FAM13A: variants seen among roughly 807,000 people sequenced by gnomAD.
FAM13A encodes the protein protein FAM13A.
FAM13A carries 76 observed loss-of-function variants against 129.6 expected under a neutral mutation model. The ratio of observed to expected loss-of-function variants is 0.59; its 90% CI spans 0.49 to 0.71. The LOEUF is 0.71. Ranked by LOEUF, FAM13A falls within the 30% of genes least tolerant of loss-of-function variation. FAM13A has a pLI of 0.00. For missense variants in FAM13A, 1,108 were observed against 1,249.3 expected, an observed-to-expected ratio of 0.89 and a Z score of 1.70; for synonymous variants, 443 against 449.9, an observed-to-expected ratio of 0.98 and a Z score of 0.20.
intron 7 of FAM13A, among the ~76,000 whole-genome samples, chr4:88,827,596 T>C (rs1321933560): frequency 6.6e-6 from 1 of 152,256 alleles, no homozygotes; most frequent in Non-Finnish European, 1.5e-5. Context: ...TGGCCCTTCT[T>C]GATAATGATG....
At chr4:88,792,660 G>A (rs533569189) in intron 8 of FAM13A, among the ~76,000 whole-genome samples, 26 of 152,152 alleles carry the variant, frequency 1.7e-4, no homozygotes, top group African/African-American at 6.3e-4. Context: ...ACCCATATGA[G>A]TAATGACTCG....
chr4:88,965,159 G>A (rs1759188719), intron 4 of FAM13A, among the ~76,000 whole-genome samples: 1 of 152,158 alleles, frequency 6.6e-6, no homozygotes, highest in African/African-American at 2.4e-5. Flanking sequence ...TAGCATTCCT[G>A]TTACAGACAA....
chr4:88,740,223 T>C (rs181808029), intron 19 of FAM13A, among the ~76,000 whole-genome samples: 1 of 152,336 alleles, frequency 6.6e-6, no homozygotes, highest in Admixed American at 6.5e-5. Flanking sequence ...TCCCCCATTC[T>C]GGGAGACTCA....
intron 4 of FAM13A, among the ~76,000 whole-genome samples, chr4:88,987,237 A>T (rs538709018): frequency 2.3e-4 from 35 of 152,300 alleles, no homozygotes; most frequent in African/African-American, 8.4e-4. Flanking sequence ...AAAGAAAAAA[A>T]AATACTAGTA....
intron 4 of FAM13A, among the ~76,000 whole-genome samples, chr4:88,961,942 A>G (rs1758680550): frequency 6.6e-6 from 1 of 152,120 alleles, no homozygotes; most frequent in South Asian, 2.1e-4. Context: ...GTTAAGTTCA[A>G]TTATAAAAAT....
chr4:88,953,652 C>A (rs549764573), intron 4 of FAM13A, among the ~76,000 whole-genome samples: 2 of 152,158 alleles, frequency 1.3e-5, no homozygotes, highest in Non-Finnish European at 2.9e-5. Context: ...CTCCTCCCAG[C>A]TCCTCATAAC....
At position 89,020,486 on chromosome 4, in the gene FAM13A, T is replaced by G; in HGVS notation, c.401A>C (p.Gln134Pro). The G allele has an allele frequency of 6.2e-7, 1 of 1,613,934 alleles. No individual in the cohort carries two copies. Residue 134 changes from glutamine (Q) to proline (P), a missense_variant, in exon 3 of 24, where the codon CAG becomes CCG. Gln to Pro is a moderately conservative substitution (Grantham distance 76). Around this residue, in one of 3 missense-constraint regions of FAM13A, gnomAD observed 566 missense variants for 595.7 expected, o/e 0.95. Transcript: ENST00000264344. The part of the protein sequence containing the change: ...LPDSLITSAL[Q>P]PRFIQLFQDG... ...CTGAAAGAGTTGAATGAATCGAGGC[T>G]GCAACGCTGAGGTGATCAGACTGTC... is the stretch of plus-strand genomic sequence containing the variant.
intron 6 of FAM13A, among the ~76,000 whole-genome samples, chr4:88,901,342 T>C (rs906431907): frequency 6.6e-6 from 1 of 152,184 alleles, no homozygotes; most frequent in Non-Finnish European, 1.5e-5. Flanking sequence ...GAATATATAT[T>C]CTTCTCATCA....
chr4:88,759,091 C>T, intron 13 of FAM13A, 190 bp from the exon 14 acceptor site: 1 of 559,484 alleles, frequency 1.8e-6, no homozygotes, highest in South Asian at 2.5e-5. Flanking sequence ...AAGCAACTGT[C>T]CATCTGTGCT....
chr4:88,746,922 C>A lies in FAM13A; in HGVS notation c.2466+10G>T. On this transcript the variant is annotated intron_variant, in intron 19 of 23. Transcript: ENST00000264344. ...TTGACCCCAATCAGAAAATTTACTA[C>A]ATCACATACCGGCCGTCCATGAATG... 1.9e-6 allele frequency: 3 copies of A among 1,591,354 alleles called. No individual in the cohort carries two copies. The East Asian group carries it at 6.7e-5, about 36-fold the overall frequency.
chr4:88,990,653 CCTT>C (rs1762816699), intron 4 of FAM13A: 3 of 234,212 alleles, frequency 1.3e-5, no homozygotes, highest in African/African-American at 2.3e-5. Context: ...ATGTCATACT[CCTT>C]CTCTTTCTGC....
intron 7 of FAM13A, among the ~76,000 whole-genome samples, chr4:88,836,414 G>C (rs1057384364): frequency 6.6e-6 from 1 of 152,164 alleles, no homozygotes; most frequent in African/African-American, 2.4e-5. Flanking sequence ...GGAGGTTCTT[G>C]AGACTCTCTT....
intron 19 of FAM13A, among the ~76,000 whole-genome samples, chr4:88,742,411 T>C (rs1740448585): frequency 1.3e-5 from 2 of 152,212 alleles, no homozygotes; most frequent in African/African-American, 4.8e-5. Flanking sequence ...TCTGACAAAA[T>C]CCAGTGTTTT....
intron 3 of FAM13A, among the ~76,000 whole-genome samples, chr4:88,996,803 G>A (rs1369392977): frequency 3.3e-5 from 5 of 152,038 alleles, no homozygotes; most frequent in Non-Finnish European, 7.4e-5. Context: ...TAGAGTTGGT[G>A]GTTGAGTTTC....
intron 1 of FAM13A, among the ~76,000 whole-genome samples, chr4:89,054,298 G>A (rs371678383): frequency 6.7e-6 from 1 of 149,826 alleles, no homozygotes; most frequent in Non-Finnish European, 1.5e-5. Context: ...GATACACACA[G>A]ACACACACAC....
chr4:88,892,287 C>T (rs746174662), intron 6 of FAM13A, among the ~76,000 whole-genome samples: 1 of 148,540 alleles, frequency 6.7e-6, no homozygotes, highest in Non-Finnish European at 1.5e-5. Flanking sequence ...TCACACCATT[C>T]TACTGCCTCA....
chr4:88,783,071 T>G (rs1252530608), intron 10 of FAM13A, among the ~76,000 whole-genome samples: 1 of 152,168 alleles, frequency 6.6e-6, no homozygotes, highest in African/African-American at 2.4e-5. Flanking sequence ...TGCATAATAA[T>G]TACATTAAGG....
intron 11 of FAM13A, among the ~76,000 whole-genome samples, chr4:88,776,568 T>C (rs1721755650): frequency 6.6e-6 from 1 of 152,242 alleles, no homozygotes; most frequent in Admixed American, 6.5e-5. Flanking sequence ...CATACAAATG[T>C]TAATCATCTG....
rs1219838575 is a variant in FAM13A, at chr4:88,911,249, T to A, written c.760-4787A>T. 2.6e-5 allele frequency among the ~76,000 whole-genome samples: 4 copies of A among 152,294 alleles called. No individual in the cohort carries two copies. The South Asian group carries it at 6.2e-4, about 24-fold the overall frequency. The stretch of plus-strand genomic sequence containing the variant: ...AATCATTGCATTCACCTCACAAAAG[T>A]ACAATGTTGGATGAATCCAGCTATA... On this transcript the variant is annotated intron_variant, in intron 5 of 23. Transcript: ENST00000264344.
Sources: gnomAD v4.1 joint callset for allele counts (sites outside exome capture counted in the v4.1 genomes callset) on GRCh38, gnomAD v4.1.1 for gene constraint, gnomAD v4.1.1 regional missense constraint, MANE v1.5 for transcripts, NCBI Gene and HGNC (gene_info 2026-07-23, HGNC 2026-07-21) for gene names.